The following NDUFC2 variants were observed in gnomAD, a reference collection of about 807,000 sequenced individuals.
NDUFC2 encodes the protein NADH:ubiquinone oxidoreductase subunit C2.
Under a neutral mutation model 10.1 loss-of-function variants are expected in NDUFC2, and 2 were observed. The observed-to-expected ratio is 0.20, with a 90% CI of 0.08 to 0.62. The LOEUF is 0.62. Ranked by LOEUF, NDUFC2 falls within the 20% of genes least tolerant of loss-of-function variation. The pLI is 0.87. For synonymous variants in NDUFC2, 61 were observed against 63.6 expected (o/e 0.96, Z 0.20); for missense variants, 156 against 159.6 (o/e 0.98, Z 0.12).
rs779701453 is a variant in NDUFC2, at chr11:78,069,844, A to C, written c.*143T>G. ...AACTATTTTTCTTACAACAATAAAG[A>C]GTCAGAGTACTCATGGTACGTATTT... is the stretch of plus-strand genomic sequence containing the variant. On this transcript the variant is annotated 3_prime_UTR_variant, in exon 3 of 3. Transcript: ENST00000281031. 1 of 1,548,044 alleles carries C rather than the reference A, an allele frequency of 6.5e-7. No individual in the cohort carries two copies. Among genetic ancestry groups the C allele is most frequent in the South Asian group, 1.2e-5 (1 of 84,978 alleles).
intron 1 of NDUFC2, among the ~76,000 whole-genome samples, chr11:78,076,687 C>T (rs1859263902): frequency 1.3e-5 from 2 of 152,180 alleles, no homozygotes; most frequent in Admixed American, 6.5e-5. Flanking sequence ...AATCAAATTA[C>T]TAGTAGGGTG....
rs1305849510 is a variant in NDUFC2 at position 78,079,738 on chromosome 11, C to T, written c.7G>A (p.Ala3Thr). Residue 3 changes from alanine to threonine, a missense_variant, in exon 1 of 3, where the codon GCA becomes ACA. By Grantham distance (58) the Ala-to-Thr change is moderately conservative. Transcript: ENST00000281031. Reference sequence around the variant, plus strand: ...CGTAAGGGTTCTGGGTTCCGCCGTGCGATCATGGTGACGCCGTTTCCACTT... The same window carrying T: ...CGTAAGGGTTCTGGGTTCCGCCGTGTGATCATGGTGACGCCGTTTCCACTT... Reference protein sequence around the residue: MIARRNPEPLRFL... With the variant: MITRRNPEPLRFL... The T allele has an allele frequency of 2.5e-6, 4 of 1,605,808 alleles. No homozygotes were observed. Among genetic ancestry groups the T allele is most frequent in the Admixed American group, 3.5e-5 (2 of 57,878 alleles).
chr11:78,074,245 T>C (rs758033280), intron 1 of NDUFC2, among the ~76,000 whole-genome samples: 12 of 152,072 alleles, frequency 7.9e-5, no homozygotes, highest in Non-Finnish European at 1.5e-4. Flanking sequence ...TTTTAGCATA[T>C]AGCACTTAAT....
intron 1 of NDUFC2, 30 bp downstream of exon 1, chr11:78,079,549 C>T: frequency 6.5e-7 from 1 of 1,546,908 alleles, no homozygotes; most frequent in Non-Finnish European, 8.7e-7. Context: ...CCCTTCTCCT[C>T]CCAGCCGATC....
chr11:78,078,238 C>T (rs965006963), intron 1 of NDUFC2, among the ~76,000 whole-genome samples: 1 of 152,202 alleles, frequency 6.6e-6, no homozygotes, highest in Non-Finnish European at 1.5e-5. Flanking sequence ...TTTTAAAATA[C>T]AGAGCTCATC....
chr11:78,069,513 C>T lies in NDUFC2; in HGVS notation c.*474G>A, dbSNP rs1227957002. The T allele has an allele frequency of 4.2e-6, 1 of 237,950 alleles. No homozygotes were observed. The highest frequency in any genetic ancestry group is 2.3e-5 in the African/African-American group (1 of 43,914). 14.7% of individuals were successfully genotyped at this position (237,950 alleles called of 1,614,324 possible). On this transcript the variant is annotated 3_prime_UTR_variant, in exon 3 of 3. Transcript: ENST00000281031. ...ATTATTTGGCAAGAGTCACAGAATC[C>T]TCCATAATCTGGCTCACTCTAAATT...
At chr11:78,071,581 G>A (rs746910756) in intron 2 of NDUFC2, among the ~76,000 whole-genome samples, 52 of 152,104 alleles carry the variant, frequency 3.4e-4, no homozygotes, top group African/African-American at 1.0e-3. Context: ...AAAAACTGTC[G>A]TAGTAGTTAA....
chr11:78,069,991 C>T lies in NDUFC2; in HGVS notation c.356G>A (p.Arg119His), dbSNP rs183610034. The change falls in exon 3 of 3, where the codon CGT (arginine) becomes CAT (histidine). Residue 119 changes from arginine (R) to histidine (H), a missense_variant. Coordinates refer to ENST00000281031, the MANE Select transcript of NDUFC2 (RefSeq NM_004549.6). ...GEIFEKFHPI[R>H] ...GGAGCAAGCATTTTGAAGACTTCAACGTATTGGATGGAATTTTTCAAAAAT... is the reference window on the plus strand; with the variant it reads ...GGAGCAAGCATTTTGAAGACTTCAATGTATTGGATGGAATTTTTCAAAAAT... 6.0e-5 allele frequency: 97 copies of T among 1,609,460 alleles called. 1 individual carries two copies. The East Asian group carries it at 1.4e-3, about 24-fold the overall frequency.
intron 2 of NDUFC2, among the ~76,000 whole-genome samples, chr11:78,071,016 C>G (rs1858978996): frequency 6.6e-6 from 1 of 152,180 alleles, no homozygotes; most frequent in East Asian, 1.9e-4. Context: ...TTTAACGGTT[C>G]TGGGTATTAT....
chr11:78,079,196 C>A (rs533335596), intron 1 of NDUFC2, among the ~76,000 whole-genome samples: 79 of 151,538 alleles, frequency 5.2e-4, no homozygotes, highest in African/African-American at 1.9e-3. Context: ...GCTCGGTTTC[C>A]TCGTTGTGAA....
chr11:78,076,542 A>G (rs1859260558), intron 1 of NDUFC2, among the ~76,000 whole-genome samples: 1 of 152,240 alleles, frequency 6.6e-6, no homozygotes, highest in East Asian at 1.9e-4. Context: ...CCATTTCAAC[A>G]AAGTCCTAGG....
chr11:78,075,320 T>G (rs1859200422), intron 1 of NDUFC2, among the ~76,000 whole-genome samples: 1 of 152,178 alleles, frequency 6.6e-6, no homozygotes, highest in African/African-American at 2.4e-5. Flanking sequence ...TAATAATAAT[T>G]TGTTGTATAG....
chr11:78,079,569 C>G lies in NDUFC2; in HGVS notation c.166+10G>C. On this transcript the variant is annotated intron_variant, in intron 1 of 2. Transcript: ENST00000281031. ...CTCCTCCCAGCCGATCCCGGCCGCG[C>G]AGCACTCACCAGCCGTCGCGATCGG... 6.5e-7 allele frequency: 1 copy of G among 1,549,284 alleles called. No individual in the cohort carries two copies. Among genetic ancestry groups the G allele is most frequent in the Non-Finnish European group, 8.7e-7 (1 of 1,146,762 alleles).
chr11:78,076,191 G>C (rs932073544), intron 1 of NDUFC2, among the ~76,000 whole-genome samples: 23 of 151,138 alleles, frequency 1.5e-4, no homozygotes, highest in African/African-American at 5.4e-4. Context: ...GCCCAGGCTG[G>C]AGTGCAATGG....
rs1445217585 is a variant in NDUFC2 at position 78,073,023 on chromosome 11, T to C, written c.285A>G (p.Leu95=). The part of the protein sequence containing the change: ...RDREMFGYMK[L]HPEDFPEEDK... ...CTTCTTCAGGAAAATCCTCTGGATG[T>C]AATTTCATATATCCAAACATTTCAC... is the stretch of plus-strand genomic sequence containing the variant. The change falls in exon 2 of 3, where the codon TTA becomes TTG. Residue 95 remains leucine (L), a synonymous_variant. Transcript: ENST00000281031. 1 of 1,613,524 alleles carries C rather than the reference T, an allele frequency of 6.2e-7. No homozygotes were observed. Among genetic ancestry groups the C allele is most frequent in the East Asian group, 2.2e-5 (1 of 44,894 alleles).
chr11:78,071,637 T>C (rs1859012892), intron 2 of NDUFC2, among the ~76,000 whole-genome samples: 1 of 152,194 alleles, frequency 6.6e-6, no homozygotes, highest in African/African-American at 2.4e-5. Flanking sequence ...CTGTGTTGTG[T>C]ATATGTGTGT....
chr11:78,073,801 CAAAAAAAAAAAA>C (rs11290651), intron 1 of NDUFC2, among the ~76,000 whole-genome samples: 12 of 62,090 alleles, frequency 1.9e-4, no homozygotes, highest in African/African-American at 6.2e-4. Flanking sequence ...GGCTCTGTCT[CAAAAAAAAAAAA>C]AAAAAAAAAA....
At position 78,073,094 on chromosome 11, in the gene NDUFC2, A is replaced by G; in HGVS notation, c.214T>C (p.Tyr72His). 1 of 1,614,022 alleles carries G rather than the reference A, an allele frequency of 6.2e-7. No individual in the cohort carries two copies. Among genetic ancestry groups the G allele is most frequent in the Non-Finnish European group, 8.5e-7 (1 of 1,180,016 alleles). Residue 72 changes from tyrosine (Y) to histidine (H), a missense_variant, in exon 2 of 3, where the codon TAT becomes CAT. Transcript: ENST00000281031. ...LYITAFFFAG[Y>H]YLVKREDYLY... ...TAGTCTTCACGTTTTACAAGATAATATCCAGCAAAAAAAAAGGCCGTAATA... is the reference window on the plus strand; with the variant it reads ...TAGTCTTCACGTTTTACAAGATAATGTCCAGCAAAAAAAAAGGCCGTAATA...
At chr11:78,078,832 C>T (rs1398400985) in intron 1 of NDUFC2, among the ~76,000 whole-genome samples, 1 of 148,042 alleles carries the variant, frequency 6.8e-6, no homozygotes, top group African/African-American at 2.5e-5. Flanking sequence ...CTCAAACGAC[C>T]CTCCTGCCTC....
Sources: gnomAD v4.1 joint callset for allele counts (sites outside exome capture counted in the v4.1 genomes callset) on GRCh38, gnomAD v4.1.1 for gene constraint, MANE v1.5 for transcripts, NCBI Gene and HGNC (gene_info 2026-07-23, HGNC 2026-07-21) for gene names.